The following PARD3B variants were observed in gnomAD, a reference collection of about 807,000 sequenced individuals.
PARD3B encodes the protein partitioning defective 3 homolog B.
Under a neutral mutation model 130.2 loss-of-function variants are expected in PARD3B, and 103 were observed. The observed-to-expected ratio is 0.79, with a 90% CI of 0.67 to 0.93. PARD3B has a LOEUF of 0.93. Among genes scored for constraint, PARD3B ranks in the 40% least tolerant of loss-of-function variants. The pLI is 0.00. For missense variants in PARD3B, 1,609 were observed against 1,499.2 expected (o/e 1.07, Z -1.21); for synonymous variants, 583 against 553.2 (o/e 1.05, Z -0.76).
At position 204,967,217 on chromosome 2, in the gene PARD3B, A is replaced by G. The variant is rs1390667169; in HGVS notation, c.394+1894A>G. ...ACTAGCTCACTGTTAGGTGGGAAAC[A>G]TTCCCTTCCAACCATTTGGCCTGAA... is the stretch of plus-strand genomic sequence containing the variant. On this transcript the variant is annotated intron_variant, in intron 3 of 22. Transcript: ENST00000406610. The surrounding 1 kb of genome is among the most constrained non-coding windows in gnomAD (Gnocchi z 4.4). 6.6e-6 allele frequency among the ~76,000 whole-genome samples: 1 copy of G among 152,162 alleles called. No individual in the cohort carries two copies. The highest frequency in any genetic ancestry group is 1.9e-4 in the East Asian group (1 of 5,200).
intron 15 of PARD3B, among the ~76,000 whole-genome samples, chr2:205,226,377 A>G (rs894109853): frequency 4.6e-5 from 7 of 152,120 alleles, no homozygotes; most frequent in African/African-American, 1.2e-4. Context: ...CCATTTGCCC[A>G]TGTTTGCAGT....
chr2:205,552,554 G>A (rs185345901), intron 21 of PARD3B, among the ~76,000 whole-genome samples: 292 of 152,032 alleles, frequency 1.9e-3, no homozygotes, highest in African/African-American at 6.4e-3. Context: ...GACTACAGGC[G>A]TGCACCACCA....
chr2:205,511,539 A>C (rs1226338246), intron 21 of PARD3B, among the ~76,000 whole-genome samples: 1 of 152,170 alleles, frequency 6.6e-6, no homozygotes, highest in Non-Finnish European at 1.5e-5. Context: ...CTTTTCTTCT[A>C]CTGCAATGGG....
chr2:205,203,924 T>G (rs1434191135), intron 15 of PARD3B, among the ~76,000 whole-genome samples: 1 of 152,210 alleles, frequency 6.6e-6, no homozygotes, highest in East Asian at 1.9e-4. Flanking sequence ...CGTGTACATG[T>G]CTCTTCAGAG....
intron 1 of PARD3B, among the ~76,000 whole-genome samples, chr2:204,586,704 G>T (rs1574503395): frequency 6.6e-6 from 1 of 152,178 alleles, no homozygotes; most frequent in African/African-American, 2.4e-5. Flanking sequence ...AGGATGGTTT[G>T]GCAGAGACAC....
At chr2:205,316,912 CAT>C (rs2042582975) in intron 18 of PARD3B, among the ~76,000 whole-genome samples, 1 of 152,132 alleles carries the variant, frequency 6.6e-6, no homozygotes, top group African/African-American at 2.4e-5. Flanking sequence ...TTTTTTCTAA[CAT>C]CGTCTTTTAT....
In PARD3B at chr2:205,091,045, TAGA is replaced by T. The variant is rs1430997218; in HGVS notation, c.505-13378_505-13376del. 6.6e-6 allele frequency among the ~76,000 whole-genome samples: 1 copy of T among 152,200 alleles called. No homozygotes were observed. The highest frequency in any genetic ancestry group is 2.4e-5 in the African/African-American group (1 of 41,450). ...TTTGGATTAAATCATCACTGTCTAA[TAGA>T]AGCAGTTATAAATATGTAAATTAAG... On this transcript the variant is annotated intron_variant, in intron 4 of 22. Coordinates refer to ENST00000406610, the MANE Select transcript of PARD3B (RefSeq NM_001302769.2). This position sits in a 1 kb window ranked among gnomAD's most constrained non-coding sequence, Gnocchi z 4.2.
chr2:205,431,759 G>A (rs1209066102), intron 19 of PARD3B, among the ~76,000 whole-genome samples: 3 of 152,034 alleles, frequency 2.0e-5, no homozygotes, highest in Admixed American at 6.6e-5. Context: ...GTGAGCCACC[G>A]CGACTGGCCA....
intron 2 of PARD3B, among the ~76,000 whole-genome samples, chr2:204,812,192 A>T (rs543825512): frequency 6.6e-6 from 1 of 152,258 alleles, no homozygotes; most frequent in East Asian, 1.9e-4. Flanking sequence ...TATTGCAGTG[A>T]GCATAAAGTT....
chr2:204,852,270 A>G (rs1428784972), intron 2 of PARD3B, among the ~76,000 whole-genome samples: 1 of 151,226 alleles, frequency 6.6e-6, no homozygotes, highest in African/African-American at 2.4e-5. Flanking sequence ...TTTAATTTTC[A>G]TTATTGCCCT....
In PARD3B at chr2:205,105,602, T is replaced by G. The variant is rs1227828157; in HGVS notation, c.593+1088T>G. 6.6e-6 allele frequency among the ~76,000 whole-genome samples: 1 copy of G among 152,140 alleles called. No individual in the cohort carries two copies. The highest frequency in any genetic ancestry group is 2.4e-5 in the African/African-American group (1 of 41,446). The stretch of plus-strand genomic sequence containing the variant: ...ATAGCCACGTGAGCATAGTTACTCT[T>G]TATTTAGATCGTTTCTTTGACTGAT... On this transcript the variant is annotated intron_variant, in intron 5 of 22. Coordinates refer to ENST00000406610, the MANE Select transcript of PARD3B (RefSeq NM_001302769.2). This position sits in a 1 kb window ranked among gnomAD's most constrained non-coding sequence, Gnocchi z 4.0.
At position 205,300,831 on chromosome 2, in the gene PARD3B, T is replaced by C; in HGVS notation, c.2392+95T>C. The C allele has an allele frequency of 8.0e-7, 1 of 1,246,460 alleles. No homozygotes were observed. Among genetic ancestry groups the C allele is most frequent in the South Asian group, 1.4e-5 (1 of 69,062 alleles). The allele number at this position is 1,246,460 out of a possible 1,614,324, so 77.2% of individuals were successfully genotyped here. A position where few individuals can be genotyped will look rare whatever the true frequency, so the allele number is the denominator to read the frequency against. ...GTGCTCAACTACAGAAAAAAATGAT[T>C]TAAGGATCACAATTATATTTTTGAT... On this transcript the variant is annotated intron_variant, in intron 17 of 22. Transcript: ENST00000406610. This position sits in a 1 kb window ranked among gnomAD's most constrained non-coding sequence, Gnocchi z 4.1.
chr2:205,191,109 G>A (rs1464018990), intron 14 of PARD3B, among the ~76,000 whole-genome samples: 1 of 143,668 alleles, frequency 7.0e-6, no homozygotes, highest in African/African-American at 2.6e-5. Flanking sequence ...TAACCCTAAA[G>A]AGAGGATTTA....
chr2:205,042,286 T>C lies in PARD3B; in HGVS notation c.395-5295T>C, dbSNP rs1698446132. Reference sequence around the variant, plus strand: ...GAATTAGAAGATGCACCATCATTCATAGACACTTGGGAACTGACTTCACTT... The same window carrying C: ...GAATTAGAAGATGCACCATCATTCACAGACACTTGGGAACTGACTTCACTT... On this transcript the variant is annotated intron_variant, in intron 3 of 22. Coordinates refer to ENST00000406610, the MANE Select transcript of PARD3B (RefSeq NM_001302769.2). Among the ~76,000 whole-genome samples, 4 of 152,168 alleles carry C rather than the reference T, an allele frequency of 2.6e-5. No individual in the cohort carries two copies. In the South Asian group the frequency reaches 8.3e-4, roughly 31 times the overall value.
At chr2:205,369,077 C>G (rs951382324) in intron 18 of PARD3B, among the ~76,000 whole-genome samples, 20 of 152,146 alleles carry the variant, frequency 1.3e-4, no homozygotes, top group African/African-American at 4.8e-4. Flanking sequence ...ACAGCTTTAC[C>G]TACTGAACAC....
At chr2:205,582,868 T>C (rs1448396393) in intron 22 of PARD3B, among the ~76,000 whole-genome samples, 1 of 152,144 alleles carries the variant, frequency 6.6e-6, no homozygotes, top group African/African-American at 2.4e-5. Flanking sequence ...GAGGAAGAGA[T>C]ATCTGAGCCT....
chr2:205,592,595 A>G lies in PARD3B; in HGVS notation c.3261-22861A>G, dbSNP rs1015869845. Among the ~76,000 whole-genome samples, 1 of 152,188 alleles carries G rather than the reference A, an allele frequency of 6.6e-6. No homozygotes were observed. The highest frequency in any genetic ancestry group is 1.5e-5 in the Non-Finnish European group (1 of 68,038). Reference sequence around the variant, plus strand: ...TGGTTATTGATTCCATAGAGGCAGAATGTTTCCCATACAACTATAATGCCT... The same window carrying G: ...TGGTTATTGATTCCATAGAGGCAGAGTGTTTCCCATACAACTATAATGCCT... On this transcript the variant is annotated intron_variant, in intron 22 of 22. Transcript: ENST00000406610. The surrounding 1 kb of genome is among the most constrained non-coding windows in gnomAD (Gnocchi z 4.5).
At chr2:205,109,643 A>G (rs542999531) in intron 5 of PARD3B, among the ~76,000 whole-genome samples, 1 of 135,798 alleles carries the variant, frequency 7.4e-6, no homozygotes, top group South Asian at 2.4e-4. Context: ...ATAGGGAAAT[A>G]CCTAATCTTT....
In PARD3B at chr2:205,274,789, T is replaced by C. The variant is rs1005369120; in HGVS notation, c.2186-25741T>C. On this transcript the variant is annotated intron_variant, in intron 16 of 22. Transcript: ENST00000406610. The surrounding 1 kb of genome is among the most constrained non-coding windows in gnomAD (Gnocchi z 4.2). ...TATTTTATAAAGAATCCATAACATT[T>C]TCTCTTCTTGGCTTTTCAGCAAGTT... Among the ~76,000 whole-genome samples, 5 of 152,312 alleles carry C rather than the reference T, an allele frequency of 3.3e-5. No homozygotes were observed. Among genetic ancestry groups the C allele is most frequent in the South Asian group, 4.1e-4 (2 of 4,830 alleles).
Sources: gnomAD v4.1 joint callset for allele counts (sites outside exome capture counted in the v4.1 genomes callset) on GRCh38, gnomAD v4.1.1 for gene constraint, Gnocchi (gnomAD v3.1) non-coding constraint, MANE v1.5 for transcripts, NCBI Gene and HGNC (gene_info 2026-07-23, HGNC 2026-07-21) for gene names.